SACM1L: variants seen among roughly 807,000 people sequenced by gnomAD.
SACM1L encodes the protein phosphatidylinositol-3-phosphatase SAC1.
A neutral mutation model predicts 89.5 loss-of-function variants in SACM1L; 32 were observed. That is an observed-to-expected ratio of 0.36 (90% CI 0.27 to 0.48). The LOEUF (loss-of-function observed/expected upper bound fraction) is 0.48, where lower values mean the gene tolerates loss of function less well. SACM1L is among the 20% of genes least tolerant of loss of function. The probability of loss-of-function intolerance (pLI) is 0.99; values close to 1 mark genes in which losing one functional copy is unlikely to be tolerated. For synonymous variants in SACM1L, 213 were observed against 232.8 expected, an observed-to-expected ratio of 0.92 and a Z score of 0.77; for missense variants, 543 against 708.5, an observed-to-expected ratio of 0.77 and a Z score of 2.65.
chr3:45,701,026 T>G (rs1260717402), intron 1 of SACM1L, among the ~76,000 whole-genome samples: 1 of 152,252 alleles, frequency 6.6e-6, no homozygotes, highest in East Asian at 1.9e-4. Flanking sequence ...AATGAAATCC[T>G]TTCCTCAAAT....
intron 11 of SACM1L, among the ~76,000 whole-genome samples, chr3:45,725,761 C>T (rs1698904412): frequency 1.3e-5 from 2 of 151,680 alleles, no homozygotes; most frequent in Non-Finnish European, 2.9e-5. Flanking sequence ...AAGCAAGCAT[C>T]CTTGTCTTAT....
At chr3:45,707,091 C>CT (rs1698415520) in intron 4 of SACM1L, 184 bp downstream of exon 4, 9 of 449,834 alleles carry the variant, frequency 2.0e-5, no homozygotes, top group Non-Finnish European at 3.0e-5. Flanking sequence ...ATTTGTTGCT[C>CT]TTGTTTTTTT....
chr3:45,737,874 C>T (rs1208893319), intron 16 of SACM1L, 30 bp downstream of exon 16: 8 of 1,570,382 alleles, frequency 5.1e-6, no homozygotes, highest in Non-Finnish European at 7.0e-6. Context: ...TAGCATTCCA[C>T]ATCAGTAGTT....
At chr3:45,724,333 GTT>G (rs1491238820) in intron 11 of SACM1L, among the ~76,000 whole-genome samples, 3 of 151,338 alleles carry the variant, frequency 2.0e-5, no homozygotes, top group African/African-American at 7.3e-5. Context: ...GTGTGTGTGT[GTT>G]TAATGATAGC....
intron 1 of SACM1L, chr3:45,689,873 T>A: frequency 3.2e-6 from 1 of 308,912 alleles, no homozygotes; most frequent in Non-Finnish European, 6.0e-6. Context: ...AAAAGAGTTT[T>A]CTCTTACTTA....
chr3:45,705,197 C>T lies in SACM1L; in HGVS notation c.193C>T (p.His65Tyr). ...RPIFGILGTI[H>Y]LVAGNYLIVI... ...AATATTTGGTATACTGGGCACAATC[C>T]ATCTGGTGGCAGGTAAGAGAAAATA... The change falls in exon 3 of 20, where the codon CAT becomes TAT. Residue 65 changes from histidine (H) to tyrosine (Y), a missense_variant. His to Tyr is a moderately conservative substitution (Grantham distance 83, BLOSUM62 2). Coordinates refer to ENST00000389061, the MANE Select transcript of SACM1L (RefSeq NM_014016.5). The T allele has an allele frequency of 1.9e-6, 3 of 1,606,286 alleles. No homozygotes were observed. The highest frequency in any genetic ancestry group is 3.3e-4 in the Middle Eastern group (2 of 6,046).
At chr3:45,724,175 A>G (rs1025653694) in intron 11 of SACM1L, among the ~76,000 whole-genome samples, 1 of 152,158 alleles carries the variant, frequency 6.6e-6, no homozygotes, top group African/African-American at 2.4e-5. Flanking sequence ...TGGTGATTCT[A>G]TGTTTAACTC....
chr3:45,699,009 G>A lies in SACM1L; in HGVS notation c.33-4429G>A, dbSNP rs1303950412. 7.9e-5 allele frequency among the ~76,000 whole-genome samples: 12 copies of A among 152,242 alleles called. No homozygotes were observed. In the East Asian group the frequency reaches 2.1e-3, roughly 27 times the overall value. Reference sequence around the variant, plus strand: ...AGGATGGTCTCGATCTCCTGACCTTGTGATCCACCCGCCTCGGCCTCCCAA... The same window carrying A: ...AGGATGGTCTCGATCTCCTGACCTTATGATCCACCCGCCTCGGCCTCCCAA... On this transcript the variant is annotated intron_variant, in intron 1 of 19. Coordinates refer to ENST00000389061, the MANE Select transcript of SACM1L (RefSeq NM_014016.5).
At position 45,689,399 on chromosome 3, in the gene SACM1L, G is replaced by A; in HGVS notation, c.-67G>A. ...CCGCTGTGCCAGGGTGACCGGTAGA[G>A]TTGTAGCCGAGGTGGCGGCGCGGGG... On this transcript the variant is annotated 5_prime_UTR_variant, in exon 1 of 20. Coordinates refer to ENST00000389061, the MANE Select transcript of SACM1L (RefSeq NM_014016.5). 5 of 1,548,076 alleles carry A rather than the reference G, an allele frequency of 3.2e-6. No homozygotes were observed. The highest frequency in any genetic ancestry group is 4.4e-6 in the Non-Finnish European group (5 of 1,144,742).
At chr3:45,691,476 G>A (rs1427905201) in intron 1 of SACM1L, among the ~76,000 whole-genome samples, 2 of 152,174 alleles carry the variant, frequency 1.3e-5, no homozygotes, top group Non-Finnish European at 2.9e-5. Context: ...GTAGGAGATA[G>A]TAGCCATTTT....
intron 16 of SACM1L, 44 bp from the exon 17 acceptor site, chr3:45,738,534 T>C: frequency 8.7e-7 from 1 of 1,143,142 alleles, no homozygotes; most frequent in East Asian, 2.3e-5. Flanking sequence ...GTGTGAGAAT[T>C]CAGTGTACAA....
At chr3:45,730,024 A>G (rs949292531) in intron 11 of SACM1L, among the ~76,000 whole-genome samples, 1 of 150,888 alleles carries the variant, frequency 6.6e-6, no homozygotes, top group African/African-American at 2.4e-5. Context: ...TGTTTTCCTG[A>G]TTTCTTTTAG....
At chr3:45,710,008 A>G (rs1302084314) in intron 5 of SACM1L, among the ~76,000 whole-genome samples, 5 of 152,186 alleles carry the variant, frequency 3.3e-5, no homozygotes, top group Non-Finnish European at 7.3e-5. Context: ...CATTGCATTC[A>G]TTTGTAATTT....
intron 1 of SACM1L, among the ~76,000 whole-genome samples, chr3:45,699,674 A>G (rs1188708212): frequency 6.6e-6 from 1 of 152,220 alleles, no homozygotes; most frequent in East Asian, 1.9e-4. Context: ...GGCATGCGCC[A>G]CCACACCTGG....
intron 1 of SACM1L, among the ~76,000 whole-genome samples, chr3:45,698,845 C>T (rs1698192716): frequency 6.6e-6 from 1 of 152,130 alleles, no homozygotes; most frequent in Admixed American, 6.5e-5. Flanking sequence ...CAGCTCACTG[C>T]AACCTCCACC....
chr3:45,689,741 A>G, intron 1 of SACM1L: 3 of 593,764 alleles, frequency 5.1e-6, no homozygotes, highest in African/African-American at 3.7e-5. Flanking sequence ...CTGAAGAGAG[A>G]AGCTGCCGAC....
In SACM1L at chr3:45,737,885, C is replaced by G. The variant is rs577065569; in HGVS notation, c.1382+41C>G. ...AAAATAGCATTCCACATCAGTAGTT[C>G]ACAGTCCTGGTGCTTTTAAAAATCA... On this transcript the variant is annotated intron_variant, in intron 16 of 19. Coordinates refer to ENST00000389061, the MANE Select transcript of SACM1L (RefSeq NM_014016.5). 133 of 1,524,796 alleles carry G rather than the reference C, an allele frequency of 8.7e-5. No individual in the cohort carries two copies. In the South Asian group the frequency reaches 1.4e-3, roughly 16 times the overall value. 94.5% of individuals were successfully genotyped at this position (1,524,796 alleles called of 1,614,324 possible).
At chr3:45,692,286 T>G (rs1050974164) in intron 1 of SACM1L, among the ~76,000 whole-genome samples, 3 of 151,924 alleles carry the variant, frequency 2.0e-5, no homozygotes, top group African/African-American at 7.3e-5. Context: ...TGTTGATACT[T>G]CACAGGATTA....
chr3:45,715,722 C>T (rs1246132652), intron 7 of SACM1L, among the ~76,000 whole-genome samples: 5 of 150,860 alleles, frequency 3.3e-5, no homozygotes, highest in South Asian at 2.1e-4. Flanking sequence ...TGCAGTGAGC[C>T]GAGATCGTGC....
Sources: allele counts gnomAD v4.1 joint callset (sites outside exome capture counted in the v4.1 genomes callset), GRCh38; gene constraint gnomAD v4.1.1; transcripts MANE v1.5; gene names NCBI Gene and HGNC (gene_info 2026-07-23, HGNC 2026-07-21).